PXDN: variants seen among roughly 807,000 people sequenced by gnomAD.
PXDN encodes peroxidasin homolog.
PXDN carries 77 observed loss-of-function variants against 140.3 expected under a neutral mutation model. The ratio of observed to expected loss-of-function variants is 0.55; its 90% CI spans 0.46 to 0.66. The LOEUF is 0.66. PXDN is among the 30% of genes least tolerant of loss of function. The probability of loss-of-function intolerance (pLI) is 0.00; values close to 1 mark genes in which losing one functional copy is unlikely to be tolerated. For synonymous variants in PXDN, 911 were observed against 857.4 expected, an observed-to-expected ratio of 1.06 and a Z score of -1.09; for missense variants, 1,838 against 2,039.5, an observed-to-expected ratio of 0.90 and a Z score of 1.90.
intron 7 of PXDN, among the ~76,000 whole-genome samples, chr2:1,679,143 GGTGTGTGCAT>G (rs1683803058): frequency 6.8e-6 from 1 of 147,880 alleles, no homozygotes; most frequent in African/African-American, 2.5e-5. Context: ...GTTTGTGGAT[GGTGTGTGCAT>G]GTGTGTGTGG....
In PXDN at chr2:1,634,058, G is replaced by A; in HGVS notation, c.*146C>T. The A allele has an allele frequency of 1.5e-6, 2 of 1,299,524 alleles. No individual in the cohort carries two copies. The highest frequency in any genetic ancestry group is 2.1e-6 in the Non-Finnish European group (2 of 959,218). The allele number at this position is 1,299,524 out of a possible 1,614,324, so 80.5% of individuals were successfully genotyped here. A position where few individuals can be genotyped will look rare whatever the true frequency, so the allele number is the denominator to read the frequency against. On this transcript the variant is annotated 3_prime_UTR_variant, in exon 23 of 23. Coordinates refer to ENST00000252804, the MANE Select transcript of PXDN (RefSeq NM_012293.3). ...GCTCTGGTTGGAAGCCTCCTGCACTGCCTTCTGTAACAGCACCAGCTGGAC... is the reference window on the plus strand; with the variant it reads ...GCTCTGGTTGGAAGCCTCCTGCACTACCTTCTGTAACAGCACCAGCTGGAC...
At chr2:1,683,062 A>G (rs1182392785) in intron 6 of PXDN, among the ~76,000 whole-genome samples, 1 of 151,984 alleles carries the variant, frequency 6.6e-6, no homozygotes, top group Non-Finnish European at 1.5e-5. Context: ...TTAAAAATTA[A>G]TTTGATGAAT....
rs757118206 is a variant in PXDN, at chr2:1,649,601, G to C, written c.2179C>G (p.Arg727Gly). 1.2e-6 allele frequency: 2 copies of C among 1,614,034 alleles called. No homozygotes were observed. The highest frequency in any genetic ancestry group is 2.2e-5 in the South Asian group (2 of 91,090). The stretch of plus-strand genomic sequence containing the variant: ...ATGTCCGAGCAGTTGTTCACGCGCC[G>C]GTGGGCGGTACAGCCCGACAGGTTT... ...IANLSGCTAH[R>G]RVNNCSDMCF... Residue 727 changes from arginine to glycine, a missense_variant, in exon 17 of 23, where the codon CGG (arginine) becomes GGG (glycine). By Grantham distance (125) the Arg-to-Gly change is moderately radical. Coordinates refer to ENST00000252804, the MANE Select transcript of PXDN (RefSeq NM_012293.3). This position sits in a 1 kb window ranked among gnomAD's most constrained non-coding sequence, Gnocchi z 7.1.
At position 1,744,252 on chromosome 2, in the gene PXDN, T is replaced by C; in HGVS notation, c.200+4A>G. 6.7e-7 allele frequency: 1 copy of C among 1,486,008 alleles called. No homozygotes were observed. The allele number at this position is 1,486,008 out of a possible 1,614,324, so 92.1% of individuals were successfully genotyped here. On this transcript the variant is annotated splice_donor_region_variant and intron_variant, in intron 1 of 22. Transcript: ENST00000252804. ...GCGCCCCCGGCGTCCCCCGCGGCACTCACAGGATGGAGGTCTGCGGCGCCA... is the reference window on the plus strand; with the variant it reads ...GCGCCCCCGGCGTCCCCCGCGGCACCCACAGGATGGAGGTCTGCGGCGCCA...
intron 1 of PXDN, among the ~76,000 whole-genome samples, chr2:1,715,699 T>C (rs530543925): frequency 6.6e-6 from 1 of 152,192 alleles, no homozygotes; most frequent in South Asian, 2.1e-4. Context: ...GCCAGGGAAA[T>C]GCAGAGTGGA....
chr2:1,648,120 T>A lies in PXDN; in HGVS notation c.3608+52A>T. The A allele has an allele frequency of 6.4e-7, 1 of 1,568,032 alleles. No homozygotes were observed. Among genetic ancestry groups the A allele is most frequent in the Non-Finnish European group, 8.7e-7 (1 of 1,150,594 alleles). ...AATAACACACACACCACAGTTCAGG[T>A]GTTCCAGGTGCCTAGGTACACGAGC... On this transcript the variant is annotated intron_variant, in intron 17 of 22. Coordinates refer to ENST00000252804, the MANE Select transcript of PXDN (RefSeq NM_012293.3). This position sits in a 1 kb window ranked among gnomAD's most constrained non-coding sequence, Gnocchi z 8.9.
chr2:1,726,475 T>C (rs1039182353), intron 1 of PXDN, among the ~76,000 whole-genome samples: 3 of 151,166 alleles, frequency 2.0e-5, no homozygotes, highest in Admixed American at 6.6e-5. Context: ...ATATACCTAA[T>C]GCTAAATGAC....
In PXDN at chr2:1,711,398, AAGCACCCACTCTCCACC is replaced by A. The variant is rs1377992809; in HGVS notation, c.201-18281_201-18265del. ...TCCACTCTACCAGCACCCGCTCCAC[AAGCACCCACTCTCCACC>A]AGCACCCACTCTCCACTAGCACCCA... On this transcript the variant is annotated intron_variant, in intron 1 of 22. Coordinates refer to ENST00000252804, the MANE Select transcript of PXDN (RefSeq NM_012293.3). Among the ~76,000 whole-genome samples the A allele has an allele frequency of 6.0e-4, 55 of 91,334 alleles. 1 individual carries two copies. Among genetic ancestry groups the A allele is most frequent in the Non-Finnish European group, 1.1e-3 (50 of 47,538 alleles). The allele number at this position is 91,334 out of a possible 152,430, so 59.9% of individuals were successfully genotyped here.
chr2:1,720,653 CTCTCTCTGCATCTCTT>C (rs1404780203), intron 1 of PXDN, among the ~76,000 whole-genome samples: 1 of 151,820 alleles, frequency 6.6e-6, no homozygotes, highest in Non-Finnish European at 1.5e-5. Context: ...ATCTCTTTCT[CTCTCTCTGCATCTCTT>C]TCTCTCTGCA....
intron 1 of PXDN, among the ~76,000 whole-genome samples, chr2:1,727,340 G>A (rs907739633): frequency 3.3e-5 from 5 of 152,196 alleles, no homozygotes; most frequent in African/African-American, 1.2e-4. Context: ...GCACTTAAAT[G>A]TGCAGGATTC....
intron 21 of PXDN, chr2:1,636,570 C>T (rs946349870): frequency 1.3e-5 from 2 of 152,072 alleles, no homozygotes; most frequent in African/African-American, 2.4e-5. Context: ...CAAACAGTTA[C>T]TCACTTTGGG....
chr2:1,635,350 T>C lies in PXDN; in HGVS notation c.4320+58A>G, dbSNP rs2241457. The C allele has an allele frequency of 0.26, 372,012 of 1,449,746 alleles. 50,134 individuals carry two copies. The highest frequency in any genetic ancestry group is 0.4 in the Admixed American group (20,579 of 50,856). The allele number at this position is 1,449,746 out of a possible 1,614,324, so 89.8% of individuals were successfully genotyped here. The stretch of plus-strand genomic sequence containing the variant: ...TGGGCCACCCACCTGAGTGGTCACA[T>C]GGGACTCTCGGACTTGCGTATACCT... On this transcript the variant is annotated intron_variant, in intron 22 of 22. Transcript: ENST00000252804.
At chr2:1,646,860 T>C (rs576464241) in intron 17 of PXDN, among the ~76,000 whole-genome samples, 1 of 152,318 alleles carries the variant, frequency 6.6e-6, no homozygotes, top group Admixed American at 6.5e-5. Context: ...CTGAGAAGAA[T>C]CACAATGGGA....
At chr2:1,710,973 C>T (rs1684755470) in intron 1 of PXDN, among the ~76,000 whole-genome samples, 3 of 70,030 alleles carry the variant, frequency 4.3e-5, no homozygotes, top group Non-Finnish European at 9.4e-5. Context: ...CACTCTCCAC[C>T]AGCACCCGCT....
In PXDN at chr2:1,720,681, CTCTT is replaced by C. The variant is rs571069702; in HGVS notation, c.200+23571_200+23574del. ...TCTCTGCATCTCTTTCTCTCTGCATCTCTTTCTCTCTCTCTCTGCATCTCTTTCT... is the reference window on the plus strand; with the variant it reads ...TCTCTGCATCTCTTTCTCTCTGCATCTCTCTCTCTCTCTGCATCTCTTTCT... On this transcript the variant is annotated intron_variant, in intron 1 of 22. Transcript: ENST00000252804. 3.4e-4 allele frequency among the ~76,000 whole-genome samples: 44 copies of C among 128,948 alleles called. 1 individual carries two copies. The South Asian group carries it at 0.011, about 33-fold the overall frequency. 84.6% of individuals were successfully genotyped at this position (128,948 alleles called of 152,430 possible).
intron 16 of PXDN, 136 bp downstream of exon 16, chr2:1,653,492 G>C (rs1683060209): frequency 7.8e-7 from 1 of 1,280,396 alleles, no homozygotes; most frequent in Non-Finnish European, 1.1e-6. Context: ...CACAGTTTAA[G>C]GAAATAATTT....
intron 1 of PXDN, among the ~76,000 whole-genome samples, chr2:1,703,373 GT>G (rs1156315054): frequency 2.8e-5 from 1 of 35,654 alleles, no homozygotes; most frequent in Non-Finnish European, 5.2e-5. Context: ...TCCAGGTGAA[GT>G]GGGGGACAGC....
intron 1 of PXDN, among the ~76,000 whole-genome samples, chr2:1,730,821 G>A (rs1381826068): frequency 2.6e-5 from 4 of 152,010 alleles, no homozygotes; most frequent in African/African-American, 9.7e-5. Flanking sequence ...CAAGCAATCC[G>A]GCTGTGACCT....
At chr2:1,708,890 T>C (rs945908303) in intron 1 of PXDN, among the ~76,000 whole-genome samples, 1 of 152,160 alleles carries the variant, frequency 6.6e-6, no homozygotes, top group Non-Finnish European at 1.5e-5. Flanking sequence ...TTTTATCAAG[T>C]ACAGTTTTTT....
Sources: gnomAD v4.1 joint callset for allele counts (sites outside exome capture counted in the v4.1 genomes callset) on GRCh38, gnomAD v4.1.1 for gene constraint, Gnocchi (gnomAD v3.1) non-coding constraint, MANE v1.5 for transcripts, NCBI Gene and HGNC (gene_info 2026-07-23, HGNC 2026-07-21) for gene names.